Variants in CD2AP observed in about 807,000 individuals in gnomAD.
CD2AP encodes the protein CD2 associated protein, also known as CD2-associated protein.
A neutral mutation model predicts 85.1 loss-of-function variants in CD2AP; 46 were observed. The observed-to-expected ratio is 0.54, with a 90% CI of 0.43 to 0.69. The LOEUF is 0.69. Among genes scored for constraint, CD2AP ranks in the 30% least tolerant of loss-of-function variants. The pLI is 0.00. For missense variants in CD2AP, 769 were observed against 729.5 expected (o/e 1.05, Z -0.62); for synonymous variants, 255 against 252.9 (o/e 1.01, Z -0.08).
chr6:47,532,573 G>A (rs143729743), intron 2 of CD2AP, among the ~76,000 whole-genome samples: 12 of 151,976 alleles, frequency 7.9e-5, no homozygotes, highest in African/African-American at 2.7e-4. Context: ...TTTAAATGAA[G>A]TTTGTCTGTT....
At chr6:47,564,945 T>C (rs1179977054) in intron 5 of CD2AP, among the ~76,000 whole-genome samples, 9 of 152,098 alleles carry the variant, frequency 5.9e-5, no homozygotes, top group African/African-American at 1.4e-4. Flanking sequence ...GTCTTTTAAA[T>C]TTAATAGTGT....
intron 5 of CD2AP, among the ~76,000 whole-genome samples, chr6:47,562,362 G>A (rs889763057): frequency 2.0e-5 from 3 of 152,130 alleles, no homozygotes; most frequent in Non-Finnish European, 2.9e-5. Flanking sequence ...TAAAATACCA[G>A]TAATTGTTCT....
intron 4 of CD2AP, among the ~76,000 whole-genome samples, chr6:47,551,205 T>C (rs1171360910): frequency 6.6e-6 from 1 of 152,016 alleles, no homozygotes; most frequent in Non-Finnish European, 1.5e-5. Flanking sequence ...AAAAAAAAAT[T>C]TAAAATAATT....
intron 4 of CD2AP, among the ~76,000 whole-genome samples, chr6:47,546,389 T>G (rs1263302013): frequency 6.6e-6 from 1 of 152,000 alleles, no homozygotes; most frequent in African/African-American, 2.4e-5. Flanking sequence ...TTGGCCTTCT[T>G]GAGGAAGAAG....
chr6:47,496,481 A>G (rs2113973108), intron 1 of CD2AP, among the ~76,000 whole-genome samples: 1 of 152,340 alleles, frequency 6.6e-6, no homozygotes, highest in South Asian at 2.1e-4. Context: ...CATTTTCTCT[A>G]AGGGAAATAA....
chr6:47,560,912 A>G (rs932851478), intron 5 of CD2AP, among the ~76,000 whole-genome samples: 3 of 152,186 alleles, frequency 2.0e-5, no homozygotes, highest in African/African-American at 4.8e-5. Flanking sequence ...GTGATTTTCT[A>G]ATACCATCAT....
chr6:47,493,012 C>A (rs1765773219), intron 1 of CD2AP, among the ~76,000 whole-genome samples: 1 of 152,160 alleles, frequency 6.6e-6, no homozygotes, highest in Non-Finnish European at 1.5e-5. Context: ...TAGAGTATTC[C>A]TTATTCCTCT....
chr6:47,562,838 A>G, intron 5 of CD2AP: 1 of 1,008,982 alleles, frequency 9.9e-7, no homozygotes, highest in Non-Finnish European at 1.6e-6. Context: ...GCTGAACACC[A>G]AATCAACCTA....
chr6:47,518,598 G>T (rs1027410082), intron 2 of CD2AP, among the ~76,000 whole-genome samples: 16 of 152,200 alleles, frequency 1.1e-4, no homozygotes, highest in African/African-American at 3.6e-4. Context: ...GGGTAAAGCT[G>T]TCATAAACAA....
intron 11 of CD2AP, among the ~76,000 whole-genome samples, chr6:47,585,143 A>T (rs181715696): frequency 8.6e-5 from 13 of 151,636 alleles, no homozygotes; most frequent in Non-Finnish European, 1.6e-4. Context: ...AATAAAATAA[A>T]AAAAAAAAAA....
chr6:47,552,461 G>A (rs2114058825), intron 4 of CD2AP, among the ~76,000 whole-genome samples: 1 of 152,242 alleles, frequency 6.6e-6, no homozygotes, highest in Admixed American at 6.5e-5. Flanking sequence ...CCATGTTGCT[G>A]CAAATGCCAT....
At chr6:47,591,647 G>A (rs1021048889) in intron 11 of CD2AP, among the ~76,000 whole-genome samples, 1 of 152,040 alleles carries the variant, frequency 6.6e-6, no homozygotes, top group African/African-American at 2.4e-5. Flanking sequence ...AATGCAGTAG[G>A]ACATTGACCC....
chr6:47,484,064 T>C (rs1765509004), intron 1 of CD2AP, among the ~76,000 whole-genome samples: 1 of 152,176 alleles, frequency 6.6e-6, no homozygotes, highest in African/African-American at 2.4e-5. Flanking sequence ...TGTTGTTGCT[T>C]TTTAAATTTT....
chr6:47,532,815 T>C (rs1463450603), intron 2 of CD2AP, among the ~76,000 whole-genome samples: 2 of 152,232 alleles, frequency 1.3e-5, no homozygotes, highest in Non-Finnish European at 2.9e-5. Flanking sequence ...ATTGATATAT[T>C]ACATCAATTT....
At chr6:47,559,097 C>G (rs770883676) in intron 5 of CD2AP, among the ~76,000 whole-genome samples, 2 of 151,998 alleles carry the variant, frequency 1.3e-5, no homozygotes, top group Non-Finnish European at 2.9e-5. Flanking sequence ...TCTATATTTT[C>G]TAGTTTATTT....
intron 6 of CD2AP, among the ~76,000 whole-genome samples, chr6:47,574,888 A>G (rs1428380270): frequency 1.3e-5 from 2 of 152,162 alleles, no homozygotes; most frequent in East Asian, 1.9e-4. Context: ...AGTCTGTAGA[A>G]CATTTTTTCA....
chr6:47,570,538 CT>C (rs1263718690), intron 5 of CD2AP, among the ~76,000 whole-genome samples: 2 of 2,942 alleles, frequency 6.8e-4, no homozygotes, highest in Non-Finnish European at 0.024. Context: ...GCTCCTTATC[CT>C]CTTTTCTTCT....
intron 2 of CD2AP, among the ~76,000 whole-genome samples, chr6:47,529,046 T>A (rs1766801391): frequency 6.6e-6 from 1 of 152,108 alleles, no homozygotes. Flanking sequence ...TGACTCTTTC[T>A]TCTTAGGTTG....
chr6:47,616,969 T>C (rs545166971), intron 17 of CD2AP, among the ~76,000 whole-genome samples: 1 of 152,230 alleles, frequency 6.6e-6, no homozygotes, highest in South Asian at 2.1e-4. Context: ...TTTTTTACTT[T>C]TTTAATTTTG....
Sources: allele counts gnomAD v4.1 joint callset (sites outside exome capture counted in the v4.1 genomes callset), GRCh38; gene constraint gnomAD v4.1.1; transcripts MANE v1.5; gene names NCBI Gene and HGNC (gene_info 2026-07-23, HGNC 2026-07-21).